The following PKD1L1 variants were observed in gnomAD, a reference collection of about 807,000 sequenced individuals.
PKD1L1 encodes the protein polycystin-1-like protein 1.
In PKD1L1, 236 loss-of-function variants were observed where a neutral mutation model predicts 323.4. The observed-to-expected ratio is 0.73, with a 90% CI of 0.66 to 0.81. The LOEUF is 0.81. Among genes scored for constraint, PKD1L1 ranks in the 40% least tolerant of loss-of-function variants. The probability of loss-of-function intolerance (pLI) is 0.00; values close to 1 mark genes in which losing one functional copy is unlikely to be tolerated. For synonymous variants in PKD1L1, 1,344 were observed against 1,335.0 expected (o/e 1.01, Z -0.15); for missense variants, 3,320 against 3,508.0 (o/e 0.95, Z 1.35).
intron 8 of PKD1L1, among the ~76,000 whole-genome samples, chr7:47,911,593 A>G (rs1787322349): frequency 6.6e-6 from 1 of 152,226 alleles, no homozygotes; most frequent in Non-Finnish European, 1.5e-5. Context: ...ATCTTCTAGG[A>G]GTTAATCCAA....
At position 47,943,503 on chromosome 7, in the gene PKD1L1, T is replaced by C. The variant is rs1402155513; in HGVS notation, c.53A>G (p.Gln18Arg). The C allele has an allele frequency of 6.2e-7, 1 of 1,612,156 alleles. No homozygotes were observed. Among genetic ancestry groups the C allele is most frequent in the African/African-American group, 1.3e-5 (1 of 74,854 alleles). ...NISDDQERCL[Q>R]AACCLSFGGE... ...ACCAAAGGAAAGGCAGCAGGCAGCC[T>C]GGAGACACCTAAGGGAAAGAAAATA... The change falls in exon 2 of 57, where the codon CAG becomes CGG. Residue 18 changes from glutamine (Q) to arginine (R), a missense_variant. Gln to Arg is a conservative substitution (Grantham distance 43, BLOSUM62 1). Transcript: ENST00000289672.
At position 47,823,395 on chromosome 7, in the gene PKD1L1, C is replaced by T. The variant is rs139008778; in HGVS notation, c.6855-2209G>A. Among the ~76,000 whole-genome samples the T allele has an allele frequency of 5.7e-3, 871 of 152,224 alleles. 5 individuals are homozygous for T. The highest frequency in any genetic ancestry group is 9.4e-3 in the Non-Finnish European group (640 of 67,998). ...GAATTACATTAATTACTTTCCTCCT[C>T]GTGTCTCTTCCAGTCCATAGGTATC... On this transcript the variant is annotated intron_variant, in intron 45 of 56. Transcript: ENST00000289672.
intron 23 of PKD1L1, 36 bp downstream of exon 23, chr7:47,876,061 G>A (rs1311660022): frequency 6.2e-7 from 1 of 1,607,296 alleles, no homozygotes; most frequent in East Asian, 2.2e-5. Flanking sequence ...CTGTAGGTTG[G>A]CACAGCTAGT....
chr7:47,812,765 A>T (rs745474945), intron 49 of PKD1L1, among the ~76,000 whole-genome samples: 1 of 152,230 alleles, frequency 6.6e-6, no homozygotes. Context: ...GAAAAGTAGC[A>T]CAGGGCCTAT....
chr7:47,885,564 G>A (rs1022230647), intron 18 of PKD1L1, 122 bp downstream of exon 18: 63 of 1,334,936 alleles, frequency 4.7e-5, no homozygotes, highest in East Asian at 4.2e-4. Context: ...TGAACCTGGC[G>A]CTTTCTGATT....
At chr7:47,894,156 G>A (rs904444789) in intron 14 of PKD1L1, 97 bp from the exon 15 acceptor site, 15 of 1,105,650 alleles carry the variant, frequency 1.4e-5, no homozygotes, top group Middle Eastern at 2.1e-4. Flanking sequence ...GGAAGCCGAC[G>A]AGTCTCAACG....
intron 4 of PKD1L1, among the ~76,000 whole-genome samples, chr7:47,934,843 T>G (rs1416940201): frequency 1.3e-5 from 2 of 152,164 alleles, no homozygotes; most frequent in African/African-American, 4.8e-5. Context: ...TAAGAAGGTC[T>G]TCTGTTGCTA....
chr7:47,800,555 G>C, intron 54 of PKD1L1, 94 bp downstream of exon 54: 1 of 1,273,634 alleles, frequency 7.9e-7, no homozygotes, highest in Non-Finnish European at 1.1e-6. Context: ...GGCCTGTGTT[G>C]CCTGGCCCTG....
At chr7:47,776,536 A>G (rs1786572823) in intron 56 of PKD1L1, among the ~76,000 whole-genome samples, 1 of 152,100 alleles carries the variant, frequency 6.6e-6, no homozygotes, top group Admixed American at 6.5e-5. Context: ...CTGTTTGCTC[A>G]TTTGCTTTTA....
chr7:47,790,996 A>C (rs983969605), intron 56 of PKD1L1, among the ~76,000 whole-genome samples: 20 of 152,136 alleles, frequency 1.3e-4, no homozygotes, highest in African/African-American at 4.3e-4. Context: ...TTGGCCTCCC[A>C]GATGCTGGGA....
intron 55 of PKD1L1, 28 bp downstream of exon 55, chr7:47,795,961 C>T (rs527885982): frequency 2.9e-5 from 47 of 1,601,228 alleles, no homozygotes; most frequent in Middle Eastern, 1.7e-4. Context: ...TGCTATCATG[C>T]TCAGTAATCC....
At chr7:47,801,374 C>T (rs1363483473) in intron 53 of PKD1L1, among the ~76,000 whole-genome samples, 1 of 152,186 alleles carries the variant, frequency 6.6e-6, no homozygotes. Flanking sequence ...TCCTGGTTGT[C>T]GTAACAGACT....
In PKD1L1 at chr7:47,855,178, C is replaced by T. The variant is rs759344143; in HGVS notation, c.4678G>A (p.Glu1560Lys). The T allele has an allele frequency of 5.6e-6, 9 of 1,614,164 alleles. No individual in the cohort carries two copies. The South Asian group carries it at 6.6e-5, about 12-fold the overall frequency. ...ACCAGGCCATCCTCCTCCCCAAACT[C>T]GACCATCACGGGTTTCCTTAGCCAT... ...RQWLRKPVMV[E>K]FGEEDGLDNR... Residue 1560 changes from glutamate to lysine, a missense_variant, in exon 29 of 57, where the codon GAG becomes AAG. By Grantham distance (56) the Glu-to-Lys change is moderately conservative. Transcript: ENST00000289672.
intron 51 of PKD1L1, chr7:47,809,059 TA>T (rs1784840729): frequency 1.9e-5 from 3 of 155,956 alleles, no homozygotes; most frequent in South Asian, 3.9e-4. Flanking sequence ...GTACAAAAAA[TA>T]TTTTCCTTAT....
intron 56 of PKD1L1, among the ~76,000 whole-genome samples, chr7:47,789,482 T>G (rs745853822): frequency 6.6e-6 from 1 of 152,260 alleles, no homozygotes; most frequent in Non-Finnish European, 1.5e-5. Context: ...TCTCTTGGAT[T>G]ACTTCATTTT....
Position 47,853,202 on chromosome 7 carries a change from C to T in PKD1L1, c.4885G>A (p.Asp1629Asn). The T allele has an allele frequency of 3.1e-6, 5 of 1,612,856 alleles. No individual in the cohort carries two copies. The highest frequency in any genetic ancestry group is 4.2e-6 in the Non-Finnish European group (5 of 1,178,910). ...VRFSEKPTPS[D>N]FLVKQIYFWD... Reference sequence around the variant, plus strand: ...AAGTAGATCTGCTTCACAAGAAAATCAGAGGGAGTAGGTTTCTCAGAGAAT... The same window carrying T: ...AAGTAGATCTGCTTCACAAGAAAATTAGAGGGAGTAGGTTTCTCAGAGAAT... The change falls in exon 31 of 57, where the codon GAT becomes AAT. Residue 1629 changes from aspartate (D) to asparagine (N), a missense_variant. By Grantham distance (23) the Asp-to-Asn change is conservative (BLOSUM62 1). Coordinates refer to ENST00000289672, the MANE Select transcript of PKD1L1 (RefSeq NM_138295.5).
chr7:47,876,075 T>G (rs1786397038), intron 23 of PKD1L1, 22 bp downstream of exon 23: 1 of 1,612,760 alleles, frequency 6.2e-7, no homozygotes, highest in Non-Finnish European at 8.5e-7. Context: ...AGCTAGTGAC[T>G]CCAACTGGCA....
chr7:47,880,195 G>A (rs1365258915), intron 21 of PKD1L1, among the ~76,000 whole-genome samples: 3 of 135,694 alleles, frequency 2.2e-5, no homozygotes, highest in African/African-American at 5.6e-5. Context: ...GAGAGATTAC[G>A]GACAGATTTG....
intron 54 of PKD1L1, among the ~76,000 whole-genome samples, chr7:47,797,885 C>T (rs569831003): frequency 6.6e-6 from 1 of 152,230 alleles, no homozygotes; most frequent in South Asian, 2.1e-4. Context: ...AATTGCCTAT[C>T]ATTGTGTAGG....
Sources: allele counts gnomAD v4.1 joint callset (sites outside exome capture counted in the v4.1 genomes callset), GRCh38; gene constraint gnomAD v4.1.1; transcripts MANE v1.5; gene names NCBI Gene and HGNC (gene_info 2026-07-23, HGNC 2026-07-21).